GAPVD1: variants seen among roughly 807,000 people sequenced by gnomAD.
The protein encoded by GAPVD1 is GTPase activating protein and VPS9 domains 1, also known as GTPase-activating protein and VPS9 domain-containing protein 1.
Under a neutral mutation model 155.5 loss-of-function variants are expected in GAPVD1, and 35 were observed. The ratio of observed to expected loss-of-function variants is 0.23; its 90% CI spans 0.17 to 0.30. The LOEUF is 0.30. Among genes scored for constraint, GAPVD1 ranks in the 10% least tolerant of loss-of-function variants. The pLI, the probability that GAPVD1 is intolerant of heterozygous loss-of-function variation, is 1.00. For missense variants in GAPVD1, 1,429 were observed against 1,775.7 expected (o/e 0.80, Z 3.51); for synonymous variants, 636 against 619.7 (o/e 1.03, Z -0.39).
intron 19 of GAPVD1, among the ~76,000 whole-genome samples, chr9:125,342,585 T>G (rs1400332779): frequency 6.6e-6 from 1 of 152,192 alleles, no homozygotes; most frequent in Non-Finnish European, 1.5e-5. Context: ...CAACATCTAG[T>G]GGGATGATGA....
Position 125,312,627 on chromosome 9 carries a change from C to A in GAPVD1, c.1602+15C>A. 6.4e-7 allele frequency: 1 copy of A among 1,565,034 alleles called. No individual in the cohort carries two copies. The highest frequency in any genetic ancestry group is 2.1e-5 in the Admixed American group (1 of 47,468). ...CAGAAAATGAGGTATGAATCAGTTG[C>A]TTCTATAAATCAATATTCATGTCTT... On this transcript the variant is annotated intron_variant, in intron 9 of 27. Coordinates refer to ENST00000297933, the MANE Select transcript of GAPVD1 (RefSeq NM_001282680.3).
At chr9:125,289,592 G>C (rs1340152619) in intron 2 of GAPVD1, among the ~76,000 whole-genome samples, 1 of 152,140 alleles carries the variant, frequency 6.6e-6, no homozygotes, top group Non-Finnish European at 1.5e-5. Flanking sequence ...GATGGGAAAG[G>C]CCGTCTTTTT....
Position 125,265,202 on chromosome 9 carries a change from G to A in GAPVD1, c.-199+3243G>A, listed in dbSNP as rs142606938. ...TAAGTGAAGTTCTTGTTTTGCTGAG[G>A]TTCTTTTACCTTTTACTGTGTGATC... On this transcript the variant is annotated intron_variant, in intron 1 of 27. Coordinates refer to ENST00000297933, the MANE Select transcript of GAPVD1 (RefSeq NM_001282680.3). 5.3e-3 allele frequency among the ~76,000 whole-genome samples: 808 copies of A among 152,134 alleles called. 6 individuals carry two copies. Among genetic ancestry groups the A allele is most frequent in the Middle Eastern group, 0.017 (5 of 294 alleles).
At position 125,323,809 on chromosome 9, in the gene GAPVD1, C is replaced by T. The variant is rs780436212; in HGVS notation, c.1744C>T (p.Arg582Cys). The part of the protein sequence containing the change: ...LEGISEGPSN[R>C]SNSVSSLDLE... ...AAACATTTCTCTAGGTCCTTCAAAT[C>T]GCTCCAATTCAGTGTCCTCCCTAGA... Residue 582 changes from arginine to cysteine, a missense_variant, in exon 11 of 28, where the codon CGC becomes TGC. By Grantham distance (180) the Arg-to-Cys change is radical (BLOSUM62 -3). This residue lies in a region of GAPVD1 where 628 missense variants were observed against 733.4 expected (regional missense o/e 0.86). Coordinates refer to ENST00000297933, the MANE Select transcript of GAPVD1 (RefSeq NM_001282680.3). 8.1e-6 allele frequency: 13 copies of T among 1,613,476 alleles called. No homozygotes were observed. Among genetic ancestry groups the T allele is most frequent in the East Asian group, 2.2e-5 (1 of 44,880 alleles).
At chr9:125,313,231 A>G (rs1842904681) in intron 9 of GAPVD1, among the ~76,000 whole-genome samples, 2 of 151,966 alleles carry the variant, frequency 1.3e-5, no homozygotes, top group African/African-American at 4.8e-5. Flanking sequence ...GGGGGTTAGA[A>G]TTTCAACATA....
At chr9:125,328,929 T>C (rs988970839) in intron 12 of GAPVD1, among the ~76,000 whole-genome samples, 1 of 152,178 alleles carries the variant, frequency 6.6e-6, no homozygotes, top group African/African-American at 2.4e-5. Flanking sequence ...GGTTAGGGGC[T>C]GGAGACCGCC....
chr9:125,315,230 GA>G (rs1443602470), intron 9 of GAPVD1, among the ~76,000 whole-genome samples: 1 of 152,172 alleles, frequency 6.6e-6, no homozygotes, highest in Non-Finnish European at 1.5e-5. Context: ...CCATAGGGAA[GA>G]AGACCAACAA....
chr9:125,300,853 T>C (rs983331893), intron 4 of GAPVD1, among the ~76,000 whole-genome samples: 2 of 152,122 alleles, frequency 1.3e-5, no homozygotes, highest in East Asian at 1.9e-4. Flanking sequence ...TGTGGTTTTT[T>C]CCCCACATCT....
chr9:125,307,374 A>T (rs1842017244), intron 6 of GAPVD1, 39 bp from the exon 7 acceptor site: 1 of 1,475,738 alleles, frequency 6.8e-7, no homozygotes, highest in Non-Finnish European at 9.1e-7. Flanking sequence ...CCAGTATTTT[A>T]AAGGGAAATG....
intron 1 of GAPVD1, chr9:125,263,525 G>GTT: frequency 1.6e-5 from 13 of 824,900 alleles, no homozygotes; most frequent in African/African-American, 1.2e-4. Context: ...TAGAAGAACT[G>GTT]TTGTTTTTTT....
intron 2 of GAPVD1, among the ~76,000 whole-genome samples, chr9:125,281,630 G>T (rs565839474): frequency 5.9e-5 from 9 of 151,964 alleles, no homozygotes; most frequent in Non-Finnish European, 1.3e-4. Flanking sequence ...ATTAAATAAG[G>T]TTCATACTTT....
At chr9:125,286,667 T>A (rs968870196) in intron 2 of GAPVD1, among the ~76,000 whole-genome samples, 11 of 152,190 alleles carry the variant, frequency 7.2e-5, no homozygotes, top group African/African-American at 2.7e-4. Context: ...CTGCTTATGT[T>A]TGGCCATGGT....
chr9:125,264,355 T>C (rs1468997938), intron 1 of GAPVD1, among the ~76,000 whole-genome samples: 1 of 152,070 alleles, frequency 6.6e-6, no homozygotes, highest in Non-Finnish European at 1.5e-5. Flanking sequence ...CCACCACGCC[T>C]GGATAATTTT....
chr9:125,327,863 C>T (rs1366946741), intron 12 of GAPVD1, among the ~76,000 whole-genome samples: 1 of 152,092 alleles, frequency 6.6e-6, no homozygotes, highest in Non-Finnish European at 1.5e-5. Flanking sequence ...CCCAGTGTAC[C>T]CATCACTCAG....
intron 15 of GAPVD1, among the ~76,000 whole-genome samples, chr9:125,335,531 G>T (rs1242285631): frequency 1.3e-5 from 2 of 152,024 alleles, no homozygotes; most frequent in Non-Finnish European, 2.9e-5. Context: ...CAAAAAATTA[G>T]CTGGGTGTGG....
intron 2 of GAPVD1, among the ~76,000 whole-genome samples, chr9:125,284,535 C>T (rs1837331380): frequency 6.6e-6 from 1 of 151,608 alleles, no homozygotes; most frequent in Non-Finnish European, 1.5e-5. Flanking sequence ...TGTTCTCGAA[C>T]TCCTGGCCTC....
Position 125,305,035 on chromosome 9 carries a change from G to A in GAPVD1, c.1030-28G>A, listed in dbSNP as rs751322676. The A allele has an allele frequency of 2.3e-5, 34 of 1,488,846 alleles. 1 individual carries two copies. In the South Asian group the frequency reaches 3.7e-4, roughly 16 times the overall value. 92.2% of individuals were successfully genotyped at this position (1,488,846 alleles called of 1,614,324 possible). ...TTGTGAGTATCTGTCTGTAGCTTAT[G>A]TCTCCCTACCACTGCTTTGGGTTGC... On this transcript the variant is annotated intron_variant, in intron 5 of 27. Coordinates refer to ENST00000297933, the MANE Select transcript of GAPVD1 (RefSeq NM_001282680.3).
intron 25 of GAPVD1, among the ~76,000 whole-genome samples, chr9:125,356,841 T>C (rs994589567): frequency 2.0e-5 from 3 of 151,912 alleles, no homozygotes; most frequent in African/African-American, 7.3e-5. Context: ...CCTGCTAATT[T>C]TTTTTGTATT....
At chr9:125,325,447 G>A (rs774644733) in intron 11 of GAPVD1, among the ~76,000 whole-genome samples, 5 of 150,202 alleles carry the variant, frequency 3.3e-5, no homozygotes, top group South Asian at 2.1e-4. Context: ...GCCTGAACCC[G>A]GGAGGCAGAG....
Sources: allele counts gnomAD v4.1 joint callset (sites outside exome capture counted in the v4.1 genomes callset), GRCh38; gene constraint gnomAD v4.1.1; regional missense constraint gnomAD v4.1.1; transcripts MANE v1.5; gene names NCBI Gene and HGNC (gene_info 2026-07-23, HGNC 2026-07-21).